Variants in PDK1 observed in about 807,000 individuals in gnomAD.
The protein encoded by PDK1 is [Pyruvate dehydrogenase (acetyl-transferring)] kinase isozyme 1, mitochondrial.
A neutral mutation model predicts 54.2 loss-of-function variants in PDK1; 39 were observed. The observed-to-expected ratio is 0.72, with a 90% CI of 0.56 to 0.94. The LOEUF is 0.94. Ranked by LOEUF, PDK1 falls within the 40% of genes least tolerant of loss-of-function variation. PDK1 has a pLI of 0.00. For synonymous variants in PDK1, 221 were observed against 207.1 expected, an observed-to-expected ratio of 1.07 and a Z score of -0.58; for missense variants, 552 against 566.0, an observed-to-expected ratio of 0.98 and a Z score of 0.25.
At chr2:172,578,520 TTTAG>T (rs769664240) in intron 8 of PDK1, among the ~76,000 whole-genome samples, 37 of 152,190 alleles carry the variant, frequency 2.4e-4, no homozygotes, top group Non-Finnish European at 4.9e-4. Flanking sequence ...ATCCTTATAC[TTTAG>T]TTCTTTAGTG....
chr2:172,570,953 A>G, intron 8 of PDK1, 129 bp downstream of exon 8: 2 of 601,832 alleles, frequency 3.3e-6, no homozygotes, highest in Non-Finnish European at 5.8e-6. Flanking sequence ...TCTTGTCTGT[A>G]ATAGATAATA....
the PDK1 span, among the ~76,000 whole-genome samples, chr2:172,697,722 C>A: frequency 6.6e-6 from 1 of 152,120 alleles, no homozygotes; most frequent in Non-Finnish European, 1.5e-5. Flanking sequence ...TTCAATTACA[C>A]GTATTTTCAA....
chr2:172,584,067 G>T (rs1287799237), intron 8 of PDK1, among the ~76,000 whole-genome samples: 1 of 152,094 alleles, frequency 6.6e-6, no homozygotes, highest in Non-Finnish European at 1.5e-5. Context: ...TGTTTGAGTT[G>T]AAAAATGATA....
the PDK1 span, among the ~76,000 whole-genome samples, chr2:172,685,052 T>C: frequency 7.9e-5 from 12 of 152,326 alleles, no homozygotes; most frequent in East Asian, 2.3e-3. Context: ...TCCTGCCACA[T>C]TGTAAAGAAG....
In PDK1 at chr2:172,556,168, G is replaced by A. The variant is rs773958965; in HGVS notation, c.18G>A (p.Leu6=). The A allele has an allele frequency of 2.1e-6, 3 of 1,415,224 alleles. No homozygotes were observed. Among genetic ancestry groups the A allele is most frequent in the Non-Finnish European group, 1.8e-6 (2 of 1,091,986 alleles). 87.7% of individuals were successfully genotyped at this position (1,415,224 alleles called of 1,614,324 possible). The change falls in exon 1 of 11, where the codon CTG becomes CTA. Residue 6 remains leucine (L), a synonymous_variant. Coordinates refer to ENST00000282077, the MANE Select transcript of PDK1 (RefSeq NM_002610.5). ...GACTCGGCATGAGGCTGGCGCGGCT[G>A]CTTCGCGGAGCCGCCTTGGCCGGCC... MRLAR[L]LRGAALAGPG...
At chr2:172,711,680 C>T in the PDK1 span, among the ~76,000 whole-genome samples, 2 of 151,842 alleles carry the variant, frequency 1.3e-5, no homozygotes, top group Non-Finnish European at 2.9e-5. Context: ...GTCTGGGCAA[C>T]ATAGTGAAAT....
chr2:172,577,215 C>G (rs1689628062), intron 8 of PDK1, among the ~76,000 whole-genome samples: 1 of 151,990 alleles, frequency 6.6e-6, no homozygotes, highest in Non-Finnish European at 1.5e-5. Context: ...TCTCTTATAA[C>G]AGTTTTTGTT....
At chr2:172,567,563 T>G (rs1429297163) in intron 6 of PDK1, among the ~76,000 whole-genome samples, 2 of 152,248 alleles carry the variant, frequency 1.3e-5, no homozygotes, top group African/African-American at 4.8e-5. Flanking sequence ...TACTAAGCTG[T>G]ATTCTGGACC....
intron 10 of PDK1, among the ~76,000 whole-genome samples, chr2:172,593,275 T>C (rs1690707029): frequency 6.6e-6 from 1 of 152,102 alleles, no homozygotes; most frequent in Non-Finnish European, 1.5e-5. Context: ...AGGAAAAAAA[T>C]TGGGTTAAAG....
the PDK1 span, among the ~76,000 whole-genome samples, chr2:172,683,871 G>T: frequency 6.6e-6 from 1 of 152,210 alleles, no homozygotes; most frequent in East Asian, 1.9e-4. Context: ...GTTGTACTTA[G>T]ATGTTCAGGG....
chr2:172,705,926 TTTTAC>T, the PDK1 span, among the ~76,000 whole-genome samples: 2 of 152,198 alleles, frequency 1.3e-5, no homozygotes, highest in African/African-American at 4.8e-5. Flanking sequence ...CAAATAAATG[TTTTAC>T]TTTGAGAGGA....
At chr2:172,610,511 G>C (rs1378357288), downstream of PDK1, among the ~76,000 whole-genome samples, 1 of 152,018 alleles carries the variant, frequency 6.6e-6, no homozygotes, top group African/African-American at 2.4e-5. Context: ...TTATTTTCCT[G>C]TAGTTATTAA....
chr2:172,645,287 T>TTTTTTTG, the PDK1 span, among the ~76,000 whole-genome samples: 1 of 143,804 alleles, frequency 7.0e-6, no homozygotes, highest in African/African-American at 2.7e-5. Flanking sequence ...TTTTTTTTTT[T>TTTTTTTG]TGAGATAGAG....
At chr2:172,641,465 G>A in the PDK1 span, among the ~76,000 whole-genome samples, 5 of 147,312 alleles carry the variant, frequency 3.4e-5, no homozygotes, top group African/African-American at 7.6e-5. Flanking sequence ...TTTTTGAGAC[G>A]GAGTCTTGCA....
At chr2:172,688,423 C>T in the PDK1 span, among the ~76,000 whole-genome samples, 1 of 152,154 alleles carries the variant, frequency 6.6e-6, no homozygotes, top group South Asian at 2.1e-4. Flanking sequence ...GATTATTGTG[C>T]CTGATGTTTC....
Position 172,596,031 on chromosome 2 carries a change from G to A in PDK1, c.*62G>A. 1 of 1,417,462 alleles carries A rather than the reference G, an allele frequency of 7.1e-7. No homozygotes were observed. The highest frequency in any genetic ancestry group is 9.7e-7 in the Non-Finnish European group (1 of 1,025,796). 87.8% of individuals were successfully genotyped at this position (1,417,462 alleles called of 1,614,324 possible). ...TTGTATTAAATTTGGAAGGTATGGT[G>A]TTCAGAACTATATTATACCAAGTAC... On this transcript the variant is annotated 3_prime_UTR_variant, in exon 11 of 11. Coordinates refer to ENST00000282077, the MANE Select transcript of PDK1 (RefSeq NM_002610.5).
At chr2:172,722,768 C>T in the PDK1 span, among the ~76,000 whole-genome samples, 1 of 152,080 alleles carries the variant, frequency 6.6e-6, no homozygotes, top group Non-Finnish European at 1.5e-5. Context: ...AGAAATAGTA[C>T]CCAGATTTGT....
the PDK1 span, among the ~76,000 whole-genome samples, chr2:172,635,586 G>A: frequency 6.6e-6 from 1 of 152,118 alleles, no homozygotes; most frequent in Admixed American, 6.6e-5. Flanking sequence ...AAAGTGCCGG[G>A]ATTACAGGTG....
At chr2:172,634,121 G>A in the PDK1 span, among the ~76,000 whole-genome samples, 1 of 151,096 alleles carries the variant, frequency 6.6e-6, no homozygotes. Flanking sequence ...CAGGTCATCT[G>A]CCCGCCTCAG....
Sources: allele counts gnomAD v4.1 joint callset (sites outside exome capture counted in the v4.1 genomes callset), GRCh38; gene constraint gnomAD v4.1.1; transcripts MANE v1.5; gene names NCBI Gene and HGNC (gene_info 2026-07-23, HGNC 2026-07-21).